Variants in TMEM132D observed in about 807,000 individuals in gnomAD.
TMEM132D encodes the protein transmembrane protein 132D, also known as mature OL transmembrane protein.
In TMEM132D, 21 loss-of-function variants were observed where a neutral mutation model predicts 62.3. The observed-to-expected ratio is 0.34, with a 90% confidence interval of 0.24 to 0.49. TMEM132D has a LOEUF of 0.49. Ranked by LOEUF, TMEM132D falls within the 20% of genes least tolerant of loss-of-function variation. The pLI is 0.99. For synonymous variants in TMEM132D, 621 were observed against 575.6 expected (o/e 1.08, Z -1.13); for missense variants, 1,346 against 1,402.8 (o/e 0.96, Z 0.65).
At chr12:129,686,377 G>A (rs1039045354) in intron 2 of TMEM132D, among the ~76,000 whole-genome samples, 3 of 152,012 alleles carry the variant, frequency 2.0e-5, no homozygotes, top group Admixed American at 6.6e-5. Context: ...GTTTTATAAG[G>A]GGCTTTTCCC....
chr12:129,786,216 G>C (rs1376801), intron 1 of TMEM132D, among the ~76,000 whole-genome samples: 3,000 of 152,054 alleles, frequency 0.02, 102 homozygotes, highest in African/African-American at 0.069. Context: ...CCTTGCTCCC[G>C]TTATGGGAGC....
chr12:129,791,607 G>A (rs1223474942), intron 1 of TMEM132D, among the ~76,000 whole-genome samples: 3 of 151,774 alleles, frequency 2.0e-5, no homozygotes, highest in African/African-American at 4.8e-5. Context: ...GATTCGCTTC[G>A]CCCTCCAATC....
At position 129,308,238 on chromosome 12, in the gene TMEM132D, A is replaced by G. The variant is rs536446540; in HGVS notation, c.1299+29396T>C. Reference sequence around the variant, plus strand: ...TGATACCTGCAATTTTTACTGACTTATTCATTTACTTGTTCCTTCTCTGTC... The same window carrying G: ...TGATACCTGCAATTTTTACTGACTTGTTCATTTACTTGTTCCTTCTCTGTC... On this transcript the variant is annotated intron_variant, in intron 4 of 8. Coordinates refer to ENST00000422113, the MANE Select transcript of TMEM132D (RefSeq NM_133448.3). 1.8e-4 allele frequency among the ~76,000 whole-genome samples: 28 copies of G among 152,284 alleles called. No individual in the cohort carries two copies. In the South Asian group the frequency reaches 5.4e-3, roughly 29 times the overall value.
chr12:129,311,177 G>C lies in TMEM132D; in HGVS notation c.1299+26457C>G, dbSNP rs1338977668. Reference sequence around the variant, plus strand: ...CGCGCCACTGCACTCCAGCCTGGGCGACAGAGCGAGACTCCGTCTCAAAAA... The same window carrying C: ...CGCGCCACTGCACTCCAGCCTGGGCCACAGAGCGAGACTCCGTCTCAAAAA... On this transcript the variant is annotated intron_variant, in intron 4 of 8. Coordinates refer to ENST00000422113, the MANE Select transcript of TMEM132D (RefSeq NM_133448.3). Among the ~76,000 whole-genome samples, 17 of 71,828 alleles carry C rather than the reference G, an allele frequency of 2.4e-4. 2 individuals carry two copies. Among genetic ancestry groups the C allele is most frequent in the African/African-American group, 1.2e-3 (16 of 13,048 alleles). The allele number at this position is 71,828 out of a possible 152,430, so 47.1% of individuals were successfully genotyped here. A position where few individuals can be genotyped will look rare whatever the true frequency, so the allele number is the denominator to read the frequency against.
At chr12:129,299,099 C>T (rs192131583) in intron 4 of TMEM132D, among the ~76,000 whole-genome samples, 3 of 152,274 alleles carry the variant, frequency 2.0e-5, no homozygotes, top group East Asian at 3.9e-4. Flanking sequence ...TATGGCTCAT[C>T]AGAGCCAAAG....
At chr12:129,440,920 G>A (rs954398479) in intron 3 of TMEM132D, among the ~76,000 whole-genome samples, 6 of 152,220 alleles carry the variant, frequency 3.9e-5, no homozygotes, top group African/African-American at 1.2e-4. Flanking sequence ...ATCATGTGAA[G>A]TCTTGCTCAT....
At chr12:129,626,500 C>A (rs988884521) in intron 2 of TMEM132D, among the ~76,000 whole-genome samples, 4 of 151,944 alleles carry the variant, frequency 2.6e-5, no homozygotes, top group African/African-American at 9.7e-5. Context: ...CTCTGTTGCC[C>A]AGGCTGGAGT....
At chr12:129,659,802 T>G (rs537418783) in intron 2 of TMEM132D, among the ~76,000 whole-genome samples, 2 of 152,366 alleles carry the variant, frequency 1.3e-5, no homozygotes, top group East Asian at 3.9e-4. Context: ...GAGAATGGAT[T>G]TATTTAATGG....
chr12:129,556,843 T>C (rs1452755254), intron 2 of TMEM132D, among the ~76,000 whole-genome samples: 1 of 152,202 alleles, frequency 6.6e-6, no homozygotes, highest in African/African-American at 2.4e-5. Context: ...TAGAGAACAC[T>C]GCCATCACCA....
At chr12:129,135,034 G>A (rs1482381342) in intron 5 of TMEM132D, among the ~76,000 whole-genome samples, 2 of 152,292 alleles carry the variant, frequency 1.3e-5, no homozygotes, top group Admixed American at 6.5e-5. Flanking sequence ...CTGGGGACAG[G>A]TGGAGGAAAT....
At chr12:129,460,027 G>T (rs1254459493) in intron 3 of TMEM132D, among the ~76,000 whole-genome samples, 1 of 152,162 alleles carries the variant, frequency 6.6e-6, no homozygotes. Flanking sequence ...TACTATGACT[G>T]CAAGTGTATT....
At chr12:129,887,000 C>T (rs546461457) in intron 1 of TMEM132D, among the ~76,000 whole-genome samples, 1 of 152,312 alleles carries the variant, frequency 6.6e-6, no homozygotes, top group South Asian at 2.1e-4. Context: ...GTCAATTAAA[C>T]CTCTTTCCTT....
intron 5 of TMEM132D, among the ~76,000 whole-genome samples, chr12:129,130,339 C>T (rs1014565095): frequency 1.3e-5 from 2 of 152,010 alleles, no homozygotes; most frequent in East Asian, 1.9e-4. Flanking sequence ...GAAGAGACCC[C>T]CCCGCCCGCC....
intron 3 of TMEM132D, among the ~76,000 whole-genome samples, chr12:129,434,037 C>A (rs75225691): frequency 6.6e-6 from 1 of 152,118 alleles, no homozygotes; most frequent in Non-Finnish European, 1.5e-5. Context: ...GGGATACTTT[C>A]GCAGGGAAAC....
rs773146156 is a variant in TMEM132D at position 129,531,069 on chromosome 12, A to G, written c.1105T>C (p.Ser369Pro). Residue 369 changes from serine (S) to proline (P), a missense_variant, in exon 3 of 9, where the codon TCA (serine) becomes CCA (proline). Coordinates refer to ENST00000422113, the MANE Select transcript of TMEM132D (RefSeq NM_133448.3). ...VIVCQKKAAG[S>P]ENSADGASYE... is the part of the protein sequence containing the mutation. ...CCAGTTGGGACTCACCTGTTTTCTG[A>G]GCCAGCTGCTTTCTTCTGACAAACG... 1.2e-6 allele frequency: 2 copies of G among 1,612,152 alleles called. No homozygotes were observed. The highest frequency in any genetic ancestry group is 1.7e-6 in the Non-Finnish European group (2 of 1,178,970).
At chr12:129,405,478 T>G (rs1479572916) in intron 3 of TMEM132D, among the ~76,000 whole-genome samples, 1 of 152,112 alleles carries the variant, frequency 6.6e-6, no homozygotes, top group Non-Finnish European at 1.5e-5. Flanking sequence ...TACATAAATA[T>G]GAGGATCCCC....
At chr12:129,094,230 C>A (rs1334341886) in intron 5 of TMEM132D, among the ~76,000 whole-genome samples, 4 of 152,222 alleles carry the variant, frequency 2.6e-5, no homozygotes, top group African/African-American at 9.7e-5. Flanking sequence ...AAACTACCAT[C>A]AGAGTGAACA....
chr12:129,521,510 A>C (rs997879537), intron 3 of TMEM132D: 1 of 152,216 alleles, frequency 6.6e-6, no homozygotes, highest in Non-Finnish European at 1.5e-5. Flanking sequence ...ATAGAAAATA[A>C]AAAGAAAATC....
intron 1 of TMEM132D, among the ~76,000 whole-genome samples, chr12:129,720,879 G>C (rs763234888): frequency 6.6e-6 from 1 of 152,226 alleles, no homozygotes; most frequent in Non-Finnish European, 1.5e-5. Context: ...TGGCCTCCCA[G>C]CCTGAGGGAA....
Sources: allele counts gnomAD v4.1 joint callset (sites outside exome capture counted in the v4.1 genomes callset), GRCh38; gene constraint gnomAD v4.1.1; transcripts MANE v1.5; gene names NCBI Gene and HGNC (gene_info 2026-07-23, HGNC 2026-07-21).